The following RANBP17 variants were observed in gnomAD, a reference collection of about 807,000 sequenced individuals.
The protein encoded by RANBP17 is RAN binding protein 17.
A neutral mutation model predicts 141.2 loss-of-function variants in RANBP17; 158 were observed. The observed-to-expected ratio is 1.12, with a 90% CI of 0.98 to 1.28. The LOEUF (loss-of-function observed/expected upper bound fraction) is 1.28. Among genes scored for constraint, RANBP17 ranks in the 50% most tolerant of loss-of-function variants. The pLI, the probability that RANBP17 is intolerant of heterozygous loss-of-function variation, is 0.00. For synonymous variants in RANBP17, 430 were observed against 450.0 expected, an observed-to-expected ratio of 0.96 and a Z score of 0.56; for missense variants, 1,438 against 1,290.7, an observed-to-expected ratio of 1.11 and a Z score of -1.75.
At chr5:170,991,127 TA>T (rs939813545) in intron 14 of RANBP17, among the ~76,000 whole-genome samples, 4 of 151,984 alleles carry the variant, frequency 2.6e-5, no homozygotes, top group African/African-American at 9.7e-5. Context: ...CTCCAATTTT[TA>T]ATATGCAATA....
intron 11 of RANBP17, 60 bp downstream of exon 11, chr5:170,919,673 T>A: frequency 7.5e-7 from 1 of 1,330,174 alleles, no homozygotes; most frequent in Non-Finnish European, 1.0e-6. Flanking sequence ...TTTTTTAAGA[T>A]AAAGTTATAA....
intron 25 of RANBP17, among the ~76,000 whole-genome samples, chr5:171,291,428 G>T (rs2128043803): frequency 6.6e-6 from 1 of 152,296 alleles, no homozygotes; most frequent in South Asian, 2.1e-4. Context: ...TAGCAGTATT[G>T]GAAGTGAGCA....
intron 5 of RANBP17, chr5:170,903,854 C>T (rs566770851): frequency 1.3e-4 from 61 of 461,218 alleles, no homozygotes; most frequent in South Asian, 4.1e-4. Flanking sequence ...TAACAAGCTC[C>T]GCAAGATTTG....
chr5:171,100,717 G>C (rs1787092353), intron 14 of RANBP17, among the ~76,000 whole-genome samples: 1 of 152,214 alleles, frequency 6.6e-6, no homozygotes, highest in South Asian at 2.1e-4. Flanking sequence ...GATCTTTCTA[G>C]GTTTCTCCTG....
chr5:171,065,925 G>A (rs1784286094), intron 14 of RANBP17, among the ~76,000 whole-genome samples: 1 of 151,586 alleles, frequency 6.6e-6, no homozygotes, highest in African/African-American at 2.4e-5. Flanking sequence ...CAGTGGTATG[G>A]TCTCGGTGCA....
intron 14 of RANBP17, among the ~76,000 whole-genome samples, chr5:171,115,395 A>T (rs994160952): frequency 6.6e-6 from 1 of 152,200 alleles, no homozygotes; most frequent in African/African-American, 2.4e-5. Context: ...AAGATAAAAG[A>T]TAATATTGTC....
At chr5:170,978,971 A>G (rs1303930255) in intron 14 of RANBP17, among the ~76,000 whole-genome samples, 1 of 152,208 alleles carries the variant, frequency 6.6e-6, no homozygotes, top group Non-Finnish European at 1.5e-5. Flanking sequence ...GGGATTATGT[A>G]TAACAGTGAA....
At chr5:170,879,181 G>T (rs1332546925) in intron 2 of RANBP17, among the ~76,000 whole-genome samples, 1 of 152,048 alleles carries the variant, frequency 6.6e-6, no homozygotes, top group Non-Finnish European at 1.5e-5. Flanking sequence ...TTTTCACATA[G>T]ATAGGTACTG....
At chr5:171,104,628 A>G (rs1404508456) in intron 14 of RANBP17, among the ~76,000 whole-genome samples, 1 of 152,190 alleles carries the variant, frequency 6.6e-6, no homozygotes, top group Non-Finnish European at 1.5e-5. Flanking sequence ...GCTTGAACTA[A>G]GTAGTTAGAC....
intron 14 of RANBP17, among the ~76,000 whole-genome samples, chr5:170,974,991 C>T (rs1394066578): frequency 6.6e-6 from 1 of 152,054 alleles, no homozygotes; most frequent in African/African-American, 2.4e-5. Flanking sequence ...TGAGAGACAG[C>T]CCCAAGGATC....
intron 14 of RANBP17, among the ~76,000 whole-genome samples, chr5:170,985,440 C>G (rs889725975): frequency 6.6e-6 from 1 of 152,120 alleles, no homozygotes; most frequent in African/African-American, 2.4e-5. Flanking sequence ...AAACAGGATA[C>G]CAGAAATTGA....
chr5:171,267,084 A>C (rs1766764581), intron 25 of RANBP17, among the ~76,000 whole-genome samples: 1 of 125,520 alleles, frequency 8.0e-6, no homozygotes, highest in South Asian at 2.5e-4. Flanking sequence ...GCTGTAGTGC[A>C]GTGGCACAAT....
chr5:171,107,455 A>G (rs926010380), intron 14 of RANBP17, among the ~76,000 whole-genome samples: 2 of 152,172 alleles, frequency 1.3e-5, no homozygotes, highest in East Asian at 3.9e-4. Flanking sequence ...TTGTGAGTGG[A>G]TGCTTATAGT....
rs919976918 is a variant in RANBP17, at chr5:170,924,294, T to G, written c.1275-63T>G. On this transcript the variant is annotated intron_variant, in intron 11 of 27. Coordinates refer to ENST00000523189, the MANE Select transcript of RANBP17 (RefSeq NM_022897.5). Reference sequence around the variant, plus strand: ...GAATTTTTATTTAACATGAAGTTTATTTGTGGTGAATAAAAGTGCTTCACA... The same window carrying G: ...GAATTTTTATTTAACATGAAGTTTAGTTGTGGTGAATAAAAGTGCTTCACA... 7 of 1,055,050 alleles carry G rather than the reference T, an allele frequency of 6.6e-6. No individual in the cohort carries two copies. The South Asian group carries it at 1.5e-4, about 22-fold the overall frequency. 65.4% of individuals were successfully genotyped at this position (1,055,050 alleles called of 1,614,324 possible). A position where few individuals can be genotyped will look rare whatever the true frequency, so the allele number is the denominator to read the frequency against.
In RANBP17 at chr5:171,081,480, G is replaced by A. The variant is rs929004798; in HGVS notation, c.1711-88650G>A. 3.9e-5 allele frequency among the ~76,000 whole-genome samples: 6 copies of A among 152,080 alleles called. No individual in the cohort carries two copies. The East Asian group carries it at 5.8e-4, about 15-fold the overall frequency. ...CCAAGTGTTGAAATATTAACTGAAC[G>A]TATCATGTAGTGTCCTTTGTTTATA... is the stretch of plus-strand genomic sequence containing the variant. On this transcript the variant is annotated intron_variant, in intron 14 of 27. Transcript: ENST00000523189.
intron 14 of RANBP17, among the ~76,000 whole-genome samples, chr5:171,013,701 C>G (rs372528269): frequency 1.2e-4 from 19 of 152,046 alleles, no homozygotes; most frequent in African/African-American, 4.6e-4. Flanking sequence ...TTTAAACCTC[C>G]AAATTCGATA....
rs368699796 is a variant in RANBP17, at chr5:171,088,104, G to A, written c.1711-82026G>A. On this transcript the variant is annotated intron_variant, in intron 14 of 27. Coordinates refer to ENST00000523189, the MANE Select transcript of RANBP17 (RefSeq NM_022897.5). ...GCATGATTTTGCAGCGGCTGGTACCGGTTGTTCCTTTCCATGTTTAGTGCT... is the reference window on the plus strand; with the variant it reads ...GCATGATTTTGCAGCGGCTGGTACCAGTTGTTCCTTTCCATGTTTAGTGCT... Among the ~76,000 whole-genome samples, 203 of 151,806 alleles carry A rather than the reference G, an allele frequency of 1.3e-3. 3 individuals carry two copies. The East Asian group carries it at 0.034, about 25-fold the overall frequency.
chr5:171,147,317 T>C (rs1758096669), intron 14 of RANBP17, among the ~76,000 whole-genome samples: 1 of 150,530 alleles, frequency 6.6e-6, no homozygotes, highest in Non-Finnish European at 1.5e-5. Context: ...AATTATTATG[T>C]AATCATCTTT....
intron 12 of RANBP17, among the ~76,000 whole-genome samples, chr5:170,947,529 G>A (rs1223978706): frequency 1.3e-5 from 2 of 152,182 alleles, no homozygotes; most frequent in African/African-American, 4.8e-5. Context: ...TCTATTACCA[G>A]AACTTAATGG....
Sources: allele counts gnomAD v4.1 joint callset (sites outside exome capture counted in the v4.1 genomes callset), GRCh38; gene constraint gnomAD v4.1.1; transcripts MANE v1.5; gene names NCBI Gene and HGNC (gene_info 2026-07-23, HGNC 2026-07-21).